CRACD: variants seen among roughly 807,000 people sequenced by gnomAD.
CRACD encodes capping protein inhibiting regulator of actin dynamics, also known as capping protein-inhibiting regulator of actin dynamics.
Under a neutral mutation model 106.8 loss-of-function variants are expected in CRACD, and 56 were observed. The ratio of observed to expected loss-of-function variants is 0.52; its 90% CI spans 0.42 to 0.66. CRACD has a LOEUF of 0.66. CRACD is among the 30% of genes least tolerant of loss of function. The pLI is 0.00. For synonymous variants in CRACD, 754 were observed against 670.8 expected (o/e 1.12, Z -1.92); for missense variants, 1,730 against 1,623.2 (o/e 1.07, Z -1.13).
intron 1 of CRACD, among the ~76,000 whole-genome samples, chr4:56,124,237 C>A (rs1184406268): frequency 6.6e-6 from 1 of 152,070 alleles, no homozygotes; most frequent in East Asian, 1.9e-4. Context: ...TGTGCCCGGC[C>A]AAAATAATTT....
chr4:56,118,242 C>G (rs1399364785), intron 1 of CRACD, among the ~76,000 whole-genome samples: 1 of 109,504 alleles, frequency 9.1e-6, no homozygotes, highest in Non-Finnish European at 1.8e-5. Context: ...ATGGCCCACT[C>G]TCCTCATTTT....
intron 8 of CRACD, 77 bp from the exon 9 acceptor site, chr4:56,323,300 A>G: frequency 7.7e-7 from 1 of 1,301,474 alleles, no homozygotes; most frequent in Non-Finnish European, 1.1e-6. Context: ...ATATGTCACA[A>G]GTTTTAGGGG....
chr4:56,265,037 C>T (rs962676380), intron 2 of CRACD, among the ~76,000 whole-genome samples: 1 of 152,182 alleles, frequency 6.6e-6, no homozygotes, highest in Non-Finnish European at 1.5e-5. Flanking sequence ...AGTCCTCAGC[C>T]TTGTCATAGC....
At chr4:56,191,465 C>T (rs1193737398) in intron 2 of CRACD, among the ~76,000 whole-genome samples, 1 of 152,066 alleles carries the variant, frequency 6.6e-6, no homozygotes, top group Non-Finnish European at 1.5e-5. Flanking sequence ...CCATCACATC[C>T]TCTCCTGTGA....
intron 1 of CRACD, among the ~76,000 whole-genome samples, chr4:56,113,550 G>T (rs1458696854): frequency 1.7e-5 from 2 of 117,812 alleles, no homozygotes; most frequent in Non-Finnish European, 3.4e-5. Context: ...TATTTTAAAT[G>T]TATTTTTAGA....
intron 2 of CRACD, among the ~76,000 whole-genome samples, chr4:56,217,557 G>A (rs1432461962): frequency 6.6e-6 from 1 of 152,160 alleles, no homozygotes; most frequent in Non-Finnish European, 1.5e-5. Context: ...AAGATAAGGG[G>A]CTGTGGAGAC....
intron 2 of CRACD, among the ~76,000 whole-genome samples, chr4:56,252,308 C>G (rs1370574467): frequency 2.0e-5 from 3 of 152,218 alleles, no homozygotes; most frequent in Non-Finnish European, 4.4e-5. Context: ...CCACCAAACT[C>G]TTTGAACGCC....
intron 1 of CRACD, among the ~76,000 whole-genome samples, chr4:56,078,550 G>C (rs1000737159): frequency 6.6e-5 from 10 of 152,086 alleles, no homozygotes; most frequent in African/African-American, 1.9e-4. Flanking sequence ...GGCACTACAG[G>C]CATGCGCCAC....
intron 3 of CRACD, among the ~76,000 whole-genome samples, chr4:56,282,515 C>A (rs1177058982): frequency 6.6e-6 from 1 of 152,170 alleles, no homozygotes; most frequent in African/African-American, 2.4e-5. Context: ...GAAATCAGAA[C>A]TACTAGCATC....
chr4:56,306,603 G>A (rs536211116), intron 4 of CRACD, among the ~76,000 whole-genome samples: 9 of 152,280 alleles, frequency 5.9e-5, no homozygotes, highest in African/African-American at 1.7e-4. Flanking sequence ...TGTAACCCAA[G>A]GACCTAGGTC....
intron 2 of CRACD, among the ~76,000 whole-genome samples, chr4:56,245,055 A>G (rs370841399): frequency 6.6e-6 from 1 of 152,184 alleles, no homozygotes; most frequent in East Asian, 1.9e-4. Context: ...TGTTTTATTC[A>G]TCTTTCAAGG....
chr4:56,141,756 T>C (rs1378174100), intron 1 of CRACD, among the ~76,000 whole-genome samples: 1 of 141,432 alleles, frequency 7.1e-6, no homozygotes, highest in Non-Finnish European at 1.5e-5. Context: ...TGCAGTGCCA[T>C]GATCGCAGCT....
chr4:56,207,052 T>C (rs1267458137), intron 2 of CRACD, among the ~76,000 whole-genome samples: 1 of 152,120 alleles, frequency 6.6e-6, no homozygotes. Context: ...AGGGTCCCCT[T>C]GAACTAAACC....
At chr4:56,111,964 C>T (rs1734137734) in intron 1 of CRACD, among the ~76,000 whole-genome samples, 1 of 152,196 alleles carries the variant, frequency 6.6e-6, no homozygotes, top group South Asian at 2.1e-4. Context: ...TTACAGTTTG[C>T]CAGCTGTCCT....
chr4:56,302,906 A>G (rs1188130017), intron 4 of CRACD, among the ~76,000 whole-genome samples: 1 of 152,204 alleles, frequency 6.6e-6, no homozygotes, highest in African/African-American at 2.4e-5. Flanking sequence ...AAAATGGTCC[A>G]ATTTGAATGA....
chr4:56,306,341 A>C (rs560149147), intron 4 of CRACD, among the ~76,000 whole-genome samples: 1 of 152,238 alleles, frequency 6.6e-6, no homozygotes, highest in Non-Finnish European at 1.5e-5. Context: ...AAAAAATACA[A>C]AAGTTAGCTG....
chr4:56,141,183 A>G (rs1167890014), intron 1 of CRACD, among the ~76,000 whole-genome samples: 3 of 152,150 alleles, frequency 2.0e-5, no homozygotes, highest in Non-Finnish European at 4.4e-5. Flanking sequence ...CAACAAAACC[A>G]AAATTGCTCA....
intron 2 of CRACD, among the ~76,000 whole-genome samples, chr4:56,183,494 C>T (rs1019979018): frequency 1.8e-4 from 27 of 152,320 alleles, no homozygotes; most frequent in African/African-American, 6.3e-4. Flanking sequence ...GAGCTGAGCA[C>T]TTTTCCATGC....
At chr4:56,269,800 A>C (rs576877030) in intron 2 of CRACD, among the ~76,000 whole-genome samples, 1 of 152,160 alleles carries the variant, frequency 6.6e-6, no homozygotes, top group Admixed American at 6.5e-5. Context: ...CGAGGACAGC[A>C]CCAGGCCATG....
Sources: allele counts gnomAD v4.1 joint callset (sites outside exome capture counted in the v4.1 genomes callset), GRCh38; gene constraint gnomAD v4.1.1; transcripts MANE v1.5; gene names NCBI Gene and HGNC (gene_info 2026-07-23, HGNC 2026-07-21).